The following ANKH variants were observed in gnomAD, a reference collection of about 807,000 sequenced individuals.
ANKH encodes the protein ANKH inorganic pyrophosphate transport regulator.
In ANKH, 15 loss-of-function variants were observed where a neutral mutation model predicts 49.0. The ratio of observed to expected loss-of-function variants is 0.31; its 90% confidence interval spans 0.20 to 0.47. The LOEUF (loss-of-function observed/expected upper bound fraction) is 0.47, where lower values mean the gene tolerates loss of function less well. Ranked by LOEUF, ANKH falls within the 20% of genes least tolerant of loss-of-function variation. The probability of loss-of-function intolerance (pLI) is 1.00; values close to 1 mark genes in which losing one functional copy is unlikely to be tolerated. For synonymous variants in ANKH, 273 were observed against 260.0 expected (o/e 1.05, Z -0.48); for missense variants, 429 against 652.0 (o/e 0.66, Z 3.72).
chr5:14,782,913 T>C lies in ANKH; in HGVS notation c.97-13722A>G, dbSNP rs114421905. 3.3e-3 allele frequency among the ~76,000 whole-genome samples: 497 copies of C among 152,286 alleles called. 4 individuals are homozygous for C. Among genetic ancestry groups the C allele is most frequent in the African/African-American group, 0.012 (479 of 41,562 alleles). On this transcript the variant is annotated intron_variant, in intron 1 of 11. Coordinates refer to ENST00000284268, the MANE Select transcript of ANKH (RefSeq NM_054027.6). ...AACCTCTATAGCGGCCTACTGAAGA[T>C]GAGGACAAGAACCTCTAGGGGCTCC...
intron 9 of ANKH, among the ~76,000 whole-genome samples, chr5:14,714,275 C>T (rs996072711): frequency 1.3e-5 from 2 of 152,248 alleles, no homozygotes; most frequent in African/African-American, 4.8e-5. Context: ...GCTGCATGGC[C>T]TGCCCATGCC....
At chr5:14,734,833 A>G (rs1257521399) in intron 8 of ANKH, among the ~76,000 whole-genome samples, 4 of 152,260 alleles carry the variant, frequency 2.6e-5, no homozygotes, top group Admixed American at 2.6e-4. Flanking sequence ...TTTGTGCCAA[A>G]TCAATTACCC....
At chr5:14,836,755 T>C (rs564396832) in intron 1 of ANKH, among the ~76,000 whole-genome samples, 5,391 of 152,060 alleles carry the variant, frequency 0.035, 256 homozygotes, top group African/African-American at 0.11. Flanking sequence ...CTTCACAGAA[T>C]TGGAAAAAAC....
intron 1 of ANKH, among the ~76,000 whole-genome samples, chr5:14,842,413 G>A (rs924453119): frequency 7.2e-5 from 11 of 152,168 alleles, no homozygotes; most frequent in Non-Finnish European, 1.5e-5. Flanking sequence ...TGGCCTGGAG[G>A]ATCCAAGCCA....
At chr5:14,733,045 C>T (rs2126450969) in intron 8 of ANKH, among the ~76,000 whole-genome samples, 1 of 152,314 alleles carries the variant, frequency 6.6e-6, no homozygotes, top group South Asian at 2.1e-4. Flanking sequence ...CCAGTTCGTG[C>T]ACCCTGGCCC....
chr5:14,772,868 C>T (rs1299631780), intron 1 of ANKH, among the ~76,000 whole-genome samples: 3 of 152,228 alleles, frequency 2.0e-5, no homozygotes, highest in Admixed American at 6.5e-5. Context: ...CATTATGCAT[C>T]GGTGAAACTC....
intron 8 of ANKH, among the ~76,000 whole-genome samples, chr5:14,734,117 T>C (rs370929950): frequency 1.3e-5 from 2 of 152,202 alleles, no homozygotes; most frequent in African/African-American, 2.4e-5. Flanking sequence ...AGAATCAGTA[T>C]GTCAATATGT....
chr5:14,739,573 T>C (rs954137210), intron 8 of ANKH, among the ~76,000 whole-genome samples: 1 of 152,084 alleles, frequency 6.6e-6, no homozygotes, highest in African/African-American at 2.4e-5. Context: ...AATACTATGG[T>C]TTTTAATGGG....
chr5:14,763,772 T>C (rs1331383350), intron 2 of ANKH, among the ~76,000 whole-genome samples: 1 of 152,204 alleles, frequency 6.6e-6, no homozygotes, highest in Non-Finnish European at 1.5e-5. Context: ...TGAATAAATG[T>C]TGAAATCCAT....
chr5:14,743,188 G>A (rs75029650), intron 7 of ANKH, among the ~76,000 whole-genome samples: 4,299 of 152,222 alleles, frequency 0.028, 202 homozygotes, highest in African/African-American at 0.098. Context: ...CTGCTCTATG[G>A]CAAAGTACAA....
At chr5:14,769,632 T>C (rs986044811) in intron 1 of ANKH, among the ~76,000 whole-genome samples, 1 of 152,070 alleles carries the variant, frequency 6.6e-6, no homozygotes, top group African/African-American at 2.4e-5. Context: ...GTGGTGTGTG[T>C]GTGTGTGTGT....
intron 1 of ANKH, among the ~76,000 whole-genome samples, chr5:14,791,796 C>T (rs1033718977): frequency 2.0e-5 from 3 of 152,162 alleles, no homozygotes; most frequent in East Asian, 3.9e-4. Context: ...CCAACTTTTA[C>T]CTTCTACTCC....
chr5:14,819,330 A>C (rs1006942894), intron 1 of ANKH, among the ~76,000 whole-genome samples: 3 of 152,252 alleles, frequency 2.0e-5, no homozygotes, highest in Non-Finnish European at 2.9e-5. Flanking sequence ...CCAGGCACCC[A>C]TATCTATGTG....
chr5:14,741,916 G>C lies in ANKH; in HGVS notation c.922C>G (p.Pro308Ala), dbSNP rs1057521543. The change falls in exon 8 of 12, where the codon CCC becomes GCC. Residue 308 changes from proline to alanine, a missense_variant. By Grantham distance (27) the Pro-to-Ala change is conservative. Coordinates refer to ENST00000284268, the MANE Select transcript of ANKH (RefSeq NM_054027.6). ...AVYPAFDKNN[P>A]SNKLVSTSNT... ...CTCGTGCTCACCAGTTTGTTGCTGG[G>C]GTTATTCTGGGGAAAGAAAACCACA... 12 of 1,613,992 alleles carry C rather than the reference G, an allele frequency of 7.4e-6. No individual in the cohort carries two copies. The highest frequency in any genetic ancestry group is 9.3e-6 in the Non-Finnish European group (11 of 1,179,908).
chr5:14,771,040 G>C (rs990781275), intron 1 of ANKH, among the ~76,000 whole-genome samples: 12 of 152,298 alleles, frequency 7.9e-5, no homozygotes, highest in South Asian at 2.1e-4. Context: ...GATAGCTGTT[G>C]ATAATTTTCC....
At chr5:14,712,782 A>C (rs1737276770) in intron 11 of ANKH, 92 bp downstream of exon 11, 1 of 1,293,130 alleles carries the variant, frequency 7.7e-7, no homozygotes. Flanking sequence ...CCACTGACGA[A>C]CGCCACCATC....
chr5:14,869,806 A>G (rs2934813), intron 1 of ANKH: 68,234 of 152,112 alleles, frequency 0.45, 15,472 homozygotes, highest in Middle Eastern at 0.56. Flanking sequence ...TGATTCTTAC[A>G]TGCACACAAA....
chr5:14,716,876 G>A, intron 8 of ANKH, 41 bp from the exon 9 acceptor site: 1 of 1,610,292 alleles, frequency 6.2e-7, no homozygotes, highest in Non-Finnish European at 8.5e-7. Context: ...AGGAAAAAGT[G>A]TAAGCAGGTG....
intron 1 of ANKH, among the ~76,000 whole-genome samples, chr5:14,814,430 G>C (rs1268645565): frequency 6.6e-6 from 1 of 152,146 alleles, no homozygotes; most frequent in Non-Finnish European, 1.5e-5. Flanking sequence ...CCAAGACCTT[G>C]TCTCTACAGA....
Sources: allele counts gnomAD v4.1 joint callset (sites outside exome capture counted in the v4.1 genomes callset), GRCh38; gene constraint gnomAD v4.1.1; transcripts MANE v1.5; gene names NCBI Gene and HGNC (gene_info 2026-07-23, HGNC 2026-07-21).